Variants in RBPMS2 observed in about 807,000 individuals in gnomAD.
RBPMS2 encodes RNA binding protein, mRNA processing factor 2.
RBPMS2 carries 14 observed loss-of-function variants against 25.7 expected under a neutral mutation model. That is an observed-to-expected ratio of 0.55 (90% CI 0.36 to 0.85). RBPMS2 has a LOEUF of 0.85. Among genes scored for constraint, RBPMS2 ranks in the 40% least tolerant of loss-of-function variants. The pLI, the probability that RBPMS2 is intolerant of heterozygous loss-of-function variation, is 0.01. For missense variants in RBPMS2, 252 were observed against 283.4 expected (o/e 0.89, Z 0.80); for synonymous variants, 127 against 115.6 (o/e 1.10, Z -0.63).
At chr15:64,773,314 C>T (rs2083905314) in intron 1 of RBPMS2, among the ~76,000 whole-genome samples, 2 of 152,180 alleles carry the variant, frequency 1.3e-5, no homozygotes, top group Admixed American at 6.5e-5. Flanking sequence ...AAGACTAGGC[C>T]AGGGCTTGGG....
intron 1 of RBPMS2, among the ~76,000 whole-genome samples, chr15:64,758,289 C>T (rs997376151): frequency 1.3e-5 from 2 of 152,198 alleles, no homozygotes; most frequent in Admixed American, 6.5e-5. Context: ...AGAGCAACCA[C>T]AGCCCTTCCA....
At chr15:64,745,275 A>G (rs1305778615) in intron 6 of RBPMS2, among the ~76,000 whole-genome samples, 2 of 152,338 alleles carry the variant, frequency 1.3e-5, no homozygotes, top group East Asian at 3.9e-4. Context: ...GAAGAGAACA[A>G]AAACTGCCTG....
chr15:64,748,151 T>C (rs577553053), intron 6 of RBPMS2, among the ~76,000 whole-genome samples: 47 of 152,248 alleles, frequency 3.1e-4, no homozygotes, highest in African/African-American at 1.1e-3. Flanking sequence ...AGTCGGTGCC[T>C]GGGCAGGGGT....
chr15:64,770,530 A>G (rs575724225), intron 1 of RBPMS2, among the ~76,000 whole-genome samples: 1 of 152,250 alleles, frequency 6.6e-6, no homozygotes, highest in South Asian at 2.1e-4. Flanking sequence ...GGCAGAGGGG[A>G]CACATCCACA....
At chr15:64,774,231 G>C (rs750634246) in intron 1 of RBPMS2, among the ~76,000 whole-genome samples, 1 of 152,210 alleles carries the variant, frequency 6.6e-6, no homozygotes, top group East Asian at 1.9e-4. Context: ...ACCAGCCCTT[G>C]GTTTCCTGGG....
At chr15:64,747,515 C>A (rs2083628577) in intron 6 of RBPMS2, among the ~76,000 whole-genome samples, 1 of 152,138 alleles carries the variant, frequency 6.6e-6, no homozygotes, top group Non-Finnish European at 1.5e-5. Flanking sequence ...CATCACCTGG[C>A]TGGTCAAAGG....
intron 1 of RBPMS2, among the ~76,000 whole-genome samples, chr15:64,756,873 G>C (rs774680522): frequency 2.7e-5 from 4 of 149,216 alleles, no homozygotes; most frequent in Non-Finnish European, 5.9e-5. Flanking sequence ...ACCTCAAGGA[G>C]TTCCTTGAGG....
intron 1 of RBPMS2, among the ~76,000 whole-genome samples, chr15:64,770,938 A>G (rs1265008697): frequency 6.6e-6 from 1 of 152,166 alleles, no homozygotes; most frequent in Non-Finnish European, 1.5e-5. Flanking sequence ...CCAGGCCTGC[A>G]AGCAGCAGCC....
chr15:64,746,769 G>A (rs1240773851), intron 6 of RBPMS2, among the ~76,000 whole-genome samples: 1 of 152,198 alleles, frequency 6.6e-6, no homozygotes, highest in Non-Finnish European at 1.5e-5. Context: ...GGATAGGGCA[G>A]AACCTCTCCA....
intron 1 of RBPMS2, among the ~76,000 whole-genome samples, chr15:64,759,962 C>T (rs1052128952): frequency 3.3e-5 from 5 of 152,218 alleles, no homozygotes; most frequent in East Asian, 3.9e-4. Context: ...CGTGAGCCAC[C>T]GCGCCAGGCC....
chr15:64,769,214 G>A (rs540764322), intron 1 of RBPMS2, among the ~76,000 whole-genome samples: 1 of 150,034 alleles, frequency 6.7e-6, no homozygotes, highest in East Asian at 1.9e-4. Context: ...TGCAATCCCA[G>A]CACTTTGGGA....
At chr15:64,770,638 C>G (rs2083886266) in intron 1 of RBPMS2, among the ~76,000 whole-genome samples, 1 of 152,110 alleles carries the variant, frequency 6.6e-6, no homozygotes, top group Non-Finnish European at 1.5e-5. Context: ...TCCATTCCCT[C>G]ATATTCAAAA....
At chr15:64,767,882 G>GGTCTTGAACTCCCAGGCTC (rs2083860143) in intron 1 of RBPMS2, among the ~76,000 whole-genome samples, 2 of 152,146 alleles carry the variant, frequency 1.3e-5, no homozygotes, top group African/African-American at 4.8e-5. Context: ...TGCCCAGGCT[G>GGTCTTGAACTCCCAGGCTC]GTCTTGAACT....
chr15:64,749,582 T>C, intron 3 of RBPMS2, 89 bp from the exon 4 acceptor site: 1 of 1,199,348 alleles, frequency 8.3e-7, no homozygotes, highest in Non-Finnish European at 1.2e-6. Flanking sequence ...GTATCATCTA[T>C]GTGGAAACAG....
In RBPMS2 at chr15:64,748,986, A is replaced by C. The variant is rs2083646987; in HGVS notation, c.418+14T>G. ...CAACTCCATGAGGGCCTGCCAGCTC[A>C]GAGTGCCACTCACAGGGGTCCCGTG... is the stretch of plus-strand genomic sequence containing the variant. On this transcript the variant is annotated intron_variant, in intron 5 of 7. Coordinates refer to ENST00000300069, the MANE Select transcript of RBPMS2 (RefSeq NM_194272.3). The C allele has an allele frequency of 1.9e-6, 3 of 1,613,808 alleles. No individual in the cohort carries two copies. In the East Asian group the frequency reaches 6.7e-5, roughly 36 times the overall value.
At chr15:64,755,252 G>A (rs1407403743) in intron 1 of RBPMS2, among the ~76,000 whole-genome samples, 1 of 152,056 alleles carries the variant, frequency 6.6e-6, no homozygotes, top group Non-Finnish European at 1.5e-5. Flanking sequence ...AGGTTCTATA[G>A]AGTCCAAAAG....
chr15:64,754,364 C>T (rs1392844266), intron 1 of RBPMS2, among the ~76,000 whole-genome samples: 3 of 151,922 alleles, frequency 2.0e-5, no homozygotes, highest in Admixed American at 6.6e-5. Context: ...GTAATCCCAG[C>T]ACTTTGAGAG....
rs541831924 is a variant in RBPMS2 at position 64,754,123 on chromosome 15, C to T, written c.88-2485G>A. On this transcript the variant is annotated intron_variant, in intron 1 of 7. Coordinates refer to ENST00000300069, the MANE Select transcript of RBPMS2 (RefSeq NM_194272.3). ...GTCAAGAGTTTGAGACCAGCCTGGC[C>T]GACGTGGTAAAACCCCATCTCTACT... Among the ~76,000 whole-genome samples the T allele has an allele frequency of 5.3e-5, 8 of 152,118 alleles. No homozygotes were observed. In the South Asian group the frequency reaches 6.2e-4, roughly 12 times the overall value.
intron 1 of RBPMS2, among the ~76,000 whole-genome samples, chr15:64,770,980 G>A (rs1290465697): frequency 1.3e-5 from 2 of 152,170 alleles, no homozygotes; most frequent in African/African-American, 4.8e-5. Context: ...GAGGTGGAAG[G>A]GCAGGGAAGG....
Sources: gnomAD v4.1 joint callset for allele counts (sites outside exome capture counted in the v4.1 genomes callset) on GRCh38, gnomAD v4.1.1 for gene constraint, MANE v1.5 for transcripts, NCBI Gene and HGNC (gene_info 2026-07-23, HGNC 2026-07-21) for gene names.